Variants in TMCC2 observed in about 807,000 individuals in gnomAD.
The protein encoded by TMCC2 is transmembrane and coiled-coil domains protein 2.
In TMCC2, 16 loss-of-function variants were observed where a neutral mutation model predicts 49.4. The observed-to-expected ratio is 0.32, with a 90% CI of 0.22 to 0.49. TMCC2 has a LOEUF of 0.49. Among genes scored for constraint, TMCC2 ranks in the 20% least tolerant of loss-of-function variants. The pLI, the probability that TMCC2 is intolerant of heterozygous loss-of-function variation, is 0.99. For missense variants in TMCC2, 762 were observed against 989.8 expected (o/e 0.77, Z 3.09); for synonymous variants, 397 against 434.1 (o/e 0.91, Z 1.06).
Position 205,241,785 on chromosome 1 carries a change from G to T in TMCC2, c.488G>T (p.Arg163Leu). 6.2e-7 allele frequency: 1 copy of T among 1,608,578 alleles called. No individual in the cohort carries two copies. Among genetic ancestry groups the T allele is most frequent in the East Asian group, 2.2e-5 (1 of 44,642 alleles). ...ATCCGCTCCCGGCCCTCCATCAAGC[G>T]GGGCGCCAGCCTGCACAGCAGCAGT... ...QQIRSRPSIKRGASLHSSSGG... is the reference protein window; with the variant it reads ...QQIRSRPSIKLGASLHSSSGG... The change falls in exon 2 of 5, where the codon CGG becomes CTG. Residue 163 changes from arginine (R) to leucine (L), a missense_variant. Physicochemically the swap from Arg to Leu is moderately radical, Grantham distance 102 (BLOSUM62 -2). Coordinates refer to ENST00000358024, the MANE Select transcript of TMCC2 (RefSeq NM_014858.4). This position sits in a 1 kb window ranked among gnomAD's most constrained non-coding sequence, Gnocchi z 7.3.
rs770874236 is a variant in TMCC2, at chr1:205,241,580, C to T, written c.283C>T (p.Arg95Trp). The T allele has an allele frequency of 1.9e-6, 3 of 1,613,946 alleles. No homozygotes were observed. Among genetic ancestry groups the T allele is most frequent in the African/African-American group, 1.3e-5 (1 of 75,024 alleles). The change falls in exon 2 of 5, where the codon CGG becomes TGG. Residue 95 changes from arginine (R) to tryptophan (W), a missense_variant. Physicochemically the swap from Arg to Trp is moderately radical, Grantham distance 101. Transcript: ENST00000358024. This position sits in a 1 kb window ranked among gnomAD's most constrained non-coding sequence, Gnocchi z 7.3. ...KHLFHSRRRSREREHQTSQDS... is the reference protein window; with the variant it reads ...KHLFHSRRRSWEREHQTSQDS... The stretch of plus-strand genomic sequence containing the variant: ...CCTGTTCCACAGCCGCCGTCGGTCT[C>T]GGGAAAGGGAGCACCAGACGTCTCA...
At chr1:205,237,085 C>G (rs1383961122) in intron 1 of TMCC2, among the ~76,000 whole-genome samples, 1 of 151,672 alleles carries the variant, frequency 6.6e-6, no homozygotes, top group Non-Finnish European at 1.5e-5. Flanking sequence ...ATAAATGATT[C>G]CAAAAATCTT....
At chr1:205,237,585 G>T (rs1660104761) in intron 1 of TMCC2, among the ~76,000 whole-genome samples, 1 of 152,332 alleles carries the variant, frequency 6.6e-6, no homozygotes, top group South Asian at 2.1e-4. Context: ...ACCACTTTTG[G>T]TCATTTTTAA....
intron 2 of TMCC2, among the ~76,000 whole-genome samples, chr1:205,246,992 A>C (rs1660479048): frequency 6.6e-6 from 1 of 152,092 alleles, no homozygotes; most frequent in African/African-American, 2.4e-5. Flanking sequence ...AGATATCCAG[A>C]TGGGAGGGAG....
chr1:205,264,700 C>G lies in TMCC2; in HGVS notation c.748-4250C>G, dbSNP rs1262228805. 6.6e-6 allele frequency among the ~76,000 whole-genome samples: 1 copy of G among 152,150 alleles called. No homozygotes were observed. Among genetic ancestry groups the G allele is most frequent in the Non-Finnish European group, 1.5e-5 (1 of 68,022 alleles). ...AGAGACAGGGTTTCACCATGTTGGC[C>G]AGGCTGGTCTCCAACTCCTAACCTC... On this transcript the variant is annotated intron_variant, in intron 2 of 4. Coordinates refer to ENST00000358024, the MANE Select transcript of TMCC2 (RefSeq NM_014858.4). The surrounding 1 kb of genome is among the most constrained non-coding windows in gnomAD (Gnocchi z 4.2).
Position 205,228,285 on chromosome 1 carries a change from G to A in TMCC2, c.-280G>A. On this transcript the variant is annotated 5_prime_UTR_variant, in exon 1 of 5. It removes an upstream start codon present in the reference 5' UTR. Transcript: ENST00000358024. ...TTGTCTCCCTTCTCCCTCCTGCAAT[G>A]ACTGCCCAAGGACTCTTGCTGCCCA... is the stretch of plus-strand genomic sequence containing the variant. The A allele has an allele frequency of 3.4e-6, 1 of 297,052 alleles. No individual in the cohort carries two copies. The allele number at this position is 297,052 out of a possible 1,614,324, so 18.4% of individuals were successfully genotyped here.
chr1:205,235,698 A>G (rs1473691200), intron 1 of TMCC2, among the ~76,000 whole-genome samples: 1 of 152,182 alleles, frequency 6.6e-6, no homozygotes, highest in African/African-American at 2.4e-5. Context: ...TCAGCCAAAC[A>G]CTTAAGTCTC....
chr1:205,254,199 G>C (rs774048450), intron 2 of TMCC2, among the ~76,000 whole-genome samples: 17 of 152,196 alleles, frequency 1.1e-4, no homozygotes, highest in African/African-American at 3.9e-4. Context: ...CACTCTGTGG[G>C]CCACTGAAAG....
intron 2 of TMCC2, among the ~76,000 whole-genome samples, chr1:205,265,717 C>T (rs151002730): frequency 0.019 from 2,908 of 151,752 alleles, 88 homozygotes; most frequent in African/African-American, 0.066. Context: ...TCCGCCACCA[C>T]GCCCAGCTAA....
intron 2 of TMCC2, 175 bp from the exon 3 acceptor site, chr1:205,268,775 C>A: frequency 1.6e-6 from 1 of 632,024 alleles, no homozygotes; most frequent in Non-Finnish European, 2.7e-6. Context: ...GGGTAGAGAG[C>A]AGATGTGAAA....
chr1:205,242,349 T>G (rs979507686), intron 2 of TMCC2, among the ~76,000 whole-genome samples: 2 of 152,220 alleles, frequency 1.3e-5, no homozygotes, highest in Admixed American at 6.5e-5. Flanking sequence ...GGTATAGTAG[T>G]TTAAAGCACA....
intron 1 of TMCC2, among the ~76,000 whole-genome samples, chr1:205,237,512 A>G (rs1343375526): frequency 6.6e-6 from 1 of 152,216 alleles, no homozygotes; most frequent in Non-Finnish European, 1.5e-5. Context: ...TTAGCTATAG[A>G]TTAGTGTGAC....
At chr1:205,267,866 A>G in intron 2 of TMCC2, 11 of 985,116 alleles carry the variant, frequency 1.1e-5, no homozygotes, top group Non-Finnish European at 1.2e-5. Flanking sequence ...GGCGGCTAGT[A>G]GCCTCAGGCC....
At chr1:205,257,443 G>A in intron 2 of TMCC2, 1 of 1,215,374 alleles carries the variant, frequency 8.2e-7, no homozygotes, top group Non-Finnish European at 1.0e-6. Context: ...GGCCTGTTCT[G>A]CAGTTAGTCA....
At chr1:205,246,129 G>A (rs927973873) in intron 2 of TMCC2, among the ~76,000 whole-genome samples, 1 of 152,066 alleles carries the variant, frequency 6.6e-6, no homozygotes, top group African/African-American at 2.4e-5. Flanking sequence ...TTCTGGATTG[G>A]TTTCAAAGAT....
In TMCC2 at chr1:205,241,391, GGCT is replaced by G; in HGVS notation, c.208-111_208-109del. 3.5e-6 allele frequency: 4 copies of G among 1,155,984 alleles called. No individual in the cohort carries two copies. Among genetic ancestry groups the G allele is most frequent in the Non-Finnish European group, 4.9e-6 (4 of 821,830 alleles). The allele number at this position is 1,155,984 out of a possible 1,614,324, so 71.6% of individuals were successfully genotyped here. ...CCACAGAGATCTTCCAGGTTCAGAT[GGCT>G]GCATTAGCTATGCCAGTCTACCAAG... On this transcript the variant is annotated intron_variant, in intron 1 of 4. Coordinates refer to ENST00000358024, the MANE Select transcript of TMCC2 (RefSeq NM_014858.4). This position sits in a 1 kb window ranked among gnomAD's most constrained non-coding sequence, Gnocchi z 7.3.
chr1:205,254,571 T>G (rs916978836), intron 2 of TMCC2, among the ~76,000 whole-genome samples: 10 of 152,224 alleles, frequency 6.6e-5, no homozygotes, highest in Non-Finnish European at 1.5e-4. Flanking sequence ...TGTTTGCTAC[T>G]TTTCTCCTAG....
chr1:205,265,558 CT>C (rs980712268), intron 2 of TMCC2, among the ~76,000 whole-genome samples: 3 of 149,570 alleles, frequency 2.0e-5, no homozygotes, highest in Non-Finnish European at 3.0e-5. Context: ...AACCCATTTT[CT>C]TTTCTTTTTT....
Position 205,228,672 on chromosome 1 carries a change from G to T in TMCC2, c.108G>T (p.Gly36=). The change falls in exon 1 of 5, where the codon GGG becomes GGT. Residue 36 remains glycine, a synonymous_variant. Transcript: ENST00000358024. The part of the protein sequence containing the change: ...SHLPGADLRP[G]ETTGANSAGG... Reference sequence around the variant, plus strand: ...TGCCGGGCGCGGACCTCCGGCCTGGGGAGACCACGGGTGCTAACTCTGCTG... The same window carrying T: ...TGCCGGGCGCGGACCTCCGGCCTGGTGAGACCACGGGTGCTAACTCTGCTG... 5.6e-6 allele frequency: 9 copies of T among 1,613,006 alleles called. No homozygotes were observed. The highest frequency in any genetic ancestry group is 7.6e-6 in the Non-Finnish European group (9 of 1,179,906).
Sources: gnomAD v4.1 joint callset for allele counts (sites outside exome capture counted in the v4.1 genomes callset) on GRCh38, gnomAD v4.1.1 for gene constraint, Gnocchi (gnomAD v3.1) non-coding constraint, MANE v1.5 for transcripts, NCBI Gene and HGNC (gene_info 2026-07-23, HGNC 2026-07-21) for gene names.